The following PCSK1 variants were observed in gnomAD, a reference collection of about 807,000 sequenced individuals.
PCSK1 encodes the protein proprotein convertase subtilisin/kexin type 1, also known as neuroendocrine convertase 1.
In PCSK1, 56 loss-of-function variants were observed where a neutral mutation model predicts 90.6. The observed-to-expected ratio is 0.62, with a 90% CI of 0.50 to 0.77. PCSK1 has a LOEUF of 0.77. Ranked by LOEUF, PCSK1 falls within the 30% of genes least tolerant of loss-of-function variation. The probability of loss-of-function intolerance (pLI) is 0.00; values close to 1 mark genes in which losing one functional copy is unlikely to be tolerated. For synonymous variants in PCSK1, 348 were observed against 342.4 expected (o/e 1.02, Z -0.18); for missense variants, 801 against 932.6 (o/e 0.86, Z 1.84).
intron 3 of PCSK1, among the ~76,000 whole-genome samples, chr5:96,424,278 G>A (rs1761215534): frequency 6.6e-6 from 1 of 152,136 alleles, no homozygotes; most frequent in African/African-American, 2.4e-5. Context: ...GAGGTTGGGG[G>A]GTGGGGTGAC....
chr5:96,417,422 T>G (rs1760971440), intron 5 of PCSK1, among the ~76,000 whole-genome samples: 1 of 152,046 alleles, frequency 6.6e-6, no homozygotes, highest in Non-Finnish European at 1.5e-5. Flanking sequence ...CTCCTGACTT[T>G]TTGTGATTTT....
rs1166944792 is a variant in PCSK1, at chr5:96,393,043, C to T, written c.2220G>A (p.Arg740=). The T allele has an allele frequency of 6.2e-7, 1 of 1,614,102 alleles. No individual in the cohort carries two copies. The highest frequency in any genetic ancestry group is 8.5e-7 in the Non-Finnish European group (1 of 1,179,984). The change falls in exon 14 of 14, where the codon CGG becomes CGA. Residue 740 remains arginine (R), a synonymous_variant. Coordinates refer to ENST00000311106, the MANE Select transcript of PCSK1 (RefSeq NM_000439.5). ...NTKPYKHRDD[R]LLQALVDILN... is the part of the protein sequence containing the mutation. ...GAATGTCCACCAGAGCTTGAAGCAG[C>T]CGGTCGTCTCTGTGCTTGTAAGGTT... is the stretch of plus-strand genomic sequence containing the variant.
In PCSK1 at chr5:96,410,966, G is replaced by T; in HGVS notation, c.903C>A (p.Ser301=). The T allele has an allele frequency of 6.2e-7, 1 of 1,613,256 alleles. No homozygotes were observed. The highest frequency in any genetic ancestry group is 8.5e-7 in the Non-Finnish European group (1 of 1,179,720). Residue 301 remains serine, a synonymous_variant, in exon 8 of 14, where the codon TCC becomes TCA. Transcript: ENST00000311106. ...GVKQGRQGKG[S]IFVWASGNGG... is the part of the protein sequence containing the mutation. ...CGTTTCCCGAAGCCCAGACGAAGAT[G>T]GACCCCTTCCCCTGTCTCCCCTAAA...
intron 3 of PCSK1, among the ~76,000 whole-genome samples, chr5:96,424,052 C>A (rs1221332768): frequency 1.3e-5 from 2 of 152,126 alleles, no homozygotes; most frequent in Non-Finnish European, 2.9e-5. Context: ...TTTTAAAATA[C>A]ATTTTCTGAT....
intron 5 of PCSK1, among the ~76,000 whole-genome samples, chr5:96,418,013 A>G (rs1365483924): frequency 1.3e-5 from 2 of 152,240 alleles, no homozygotes; most frequent in East Asian, 3.8e-4. Flanking sequence ...CAACAGAATC[A>G]ATCTGCTGAC....
intron 13 of PCSK1, 29 bp downstream of exon 13, chr5:96,394,835 G>C (rs533846461): frequency 2.0e-5 from 32 of 1,610,450 alleles, no homozygotes; most frequent in Middle Eastern, 3.3e-4. Context: ...GTTCAAAAGA[G>C]AGCATGCCAA....
intron 5 of PCSK1, among the ~76,000 whole-genome samples, chr5:96,416,834 T>C (rs942712349): frequency 9.2e-5 from 14 of 152,220 alleles, no homozygotes; most frequent in African/African-American, 3.1e-4. Context: ...TTTCAGAGTA[T>C]TTGGAAGAAA....
chr5:96,397,305 T>G (rs768051622), intron 12 of PCSK1, 31 bp downstream of exon 12: 2 of 1,601,850 alleles, frequency 1.2e-6, no homozygotes, highest in Non-Finnish European at 1.7e-6. Flanking sequence ...AAAGTAAGCT[T>G]GTGTTTTTTC....
chr5:96,414,137 TA>T (rs564573961), intron 6 of PCSK1, among the ~76,000 whole-genome samples: 2,404 of 124,674 alleles, frequency 0.019, 19 homozygotes, highest in Non-Finnish European at 0.023. Context: ...AGACTCTGTC[TA>T]AAAAAAAAAA....
In PCSK1 at chr5:96,412,454, A is replaced by G; in HGVS notation, c.746T>C (p.Ile249Thr). 1.2e-6 allele frequency: 2 copies of G among 1,614,168 alleles called. No homozygotes were observed. The highest frequency in any genetic ancestry group is 1.7e-6 in the Non-Finnish European group (2 of 1,179,996). Residue 249 changes from isoleucine to threonine, a missense_variant, in exon 7 of 14, where the codon ATT becomes ACT. Coordinates refer to ENST00000311106, the MANE Select transcript of PCSK1 (RefSeq NM_000439.5). The part of the protein sequence containing the change: ...RMLDGIVTDA[I>T]EASSIGFNPG... ...ATTGAATCCAATTGAACTGGCCTCA[A>G]TAGCATCCGTCACAATGCCATCCAG...
intron 6 of PCSK1, among the ~76,000 whole-genome samples, chr5:96,414,511 G>A (rs1760879948): frequency 6.6e-6 from 1 of 152,182 alleles, no homozygotes; most frequent in Non-Finnish European, 1.5e-5. Context: ...TATAATATTT[G>A]TAGAGTAACT....
At chr5:96,411,450 C>T (rs1482281116) in intron 7 of PCSK1, among the ~76,000 whole-genome samples, 3 of 152,166 alleles carry the variant, frequency 2.0e-5, no homozygotes, top group Admixed American at 6.5e-5. Context: ...TCGTCAAAGC[C>T]GCCCTTTCTA....
At position 96,433,125 on chromosome 5, in the gene PCSK1, T is replaced by G; in HGVS notation, c.-83A>C. The G allele has an allele frequency of 3.8e-6, 5 of 1,305,546 alleles. No homozygotes were observed. The highest frequency in any genetic ancestry group is 5.5e-6 in the Non-Finnish European group (5 of 903,280). 80.9% of individuals were successfully genotyped at this position (1,305,546 alleles called of 1,614,324 possible). On this transcript the variant is annotated 5_prime_UTR_variant, in exon 1 of 14. Transcript: ENST00000311106. Reference sequence around the variant, plus strand: ...GGAGAAAAGCCAGACAGACTCCCCCTTCCCACCCTCGGGCTCTAGACCACT... The same window carrying G: ...GGAGAAAAGCCAGACAGACTCCCCCGTCCCACCCTCGGGCTCTAGACCACT...
At chr5:96,420,937 A>G (rs1313806706) in intron 5 of PCSK1, among the ~76,000 whole-genome samples, 2 of 152,176 alleles carry the variant, frequency 1.3e-5, no homozygotes, top group East Asian at 3.9e-4. Flanking sequence ...TTCCATCCTC[A>G]CTTGTAGCAA....
rs1269483328 is a variant in PCSK1 at position 96,432,296 on chromosome 5, C to T, written c.180+567G>A. ...AGCTTCCCAGGCTACTCCGCGGCCT[C>T]CCAACCTCCTGGTCGCGAGTCCCAG... On this transcript the variant is annotated intron_variant, in intron 1 of 13. Transcript: ENST00000311106. 7 of 634,874 alleles carry T rather than the reference C, an allele frequency of 1.1e-5. 1 individual carries two copies. In the South Asian group the frequency reaches 1.4e-4, roughly 12 times the overall value. 39.3% of individuals were successfully genotyped at this position (634,874 alleles called of 1,614,324 possible).
intron 8 of PCSK1, among the ~76,000 whole-genome samples, chr5:96,410,411 AG>A (rs1760715706): frequency 6.6e-6 from 1 of 152,038 alleles, no homozygotes; most frequent in Non-Finnish European, 1.5e-5. Context: ...AGGATCAGCA[AG>A]TACAAGGGTG....
chr5:96,401,636 C>T (rs1307921765), intron 9 of PCSK1, among the ~76,000 whole-genome samples: 1 of 152,218 alleles, frequency 6.6e-6, no homozygotes, highest in Non-Finnish European at 1.5e-5. Context: ...AATTTCCACT[C>T]TCCCACATGG....
chr5:96,391,622 A>G lies in PCSK1; in HGVS notation c.*1379T>C, dbSNP rs1005995532. 6.6e-6 allele frequency: 1 copy of G among 152,170 alleles called. No homozygotes were observed. The highest frequency in any genetic ancestry group is 1.9e-4 in the East Asian group (1 of 5,188). The allele number at this position is 152,170 out of a possible 1,614,324, so 9.4% of individuals were successfully genotyped here. A position where few individuals can be genotyped will look rare whatever the true frequency, so the allele number is the denominator to read the frequency against. On this transcript the variant is annotated 3_prime_UTR_variant, in exon 14 of 14. Coordinates refer to ENST00000311106, the MANE Select transcript of PCSK1 (RefSeq NM_000439.5). ...TTCGCTTAGTGTAGGAGTGGGCAAA[A>G]TCAAATGCCTATTGGATACTGCCCA...
chr5:96,394,934 C>T lies in PCSK1; in HGVS notation c.1814G>A (p.Arg605His), dbSNP rs368969662. The change falls in exon 13 of 14, where the codon CGT becomes CAT. Residue 605 changes from arginine to histidine, a missense_variant. Physicochemically the swap from Arg to His is conservative, Grantham distance 29. Transcript: ENST00000311106. Reference protein sequence around the residue: ...SSQPEHMKQPRVYTSYNTVQN... With the variant: ...SSQPEHMKQPHVYTSYNTVQN... ...AACAGTGTTGTAGGACGTGTACACA[C>T]GAGGCTGCTTCATATGCTCTGGCTG... is the stretch of plus-strand genomic sequence containing the variant. 26 of 1,613,972 alleles carry T rather than the reference C, an allele frequency of 1.6e-5. No homozygotes were observed. The highest frequency in any genetic ancestry group is 1.9e-5 in the Non-Finnish European group (23 of 1,179,960).
Sources: allele counts gnomAD v4.1 joint callset (sites outside exome capture counted in the v4.1 genomes callset), GRCh38; gene constraint gnomAD v4.1.1; transcripts MANE v1.5; gene names NCBI Gene and HGNC (gene_info 2026-07-23, HGNC 2026-07-21).